Variants in BMPR1B observed in about 807,000 individuals in gnomAD.
BMPR1B encodes bone morphogenetic protein receptor type 1B.
In BMPR1B, 12 loss-of-function variants were observed where a neutral mutation model predicts 59.1. That is an observed-to-expected ratio of 0.20 (90% CI 0.13 to 0.33). The LOEUF (loss-of-function observed/expected upper bound fraction) is 0.33, where lower values mean the gene tolerates loss of function less well. BMPR1B is among the 10% of genes least tolerant of loss of function. The pLI, the probability that BMPR1B is intolerant of heterozygous loss-of-function variation, is 1.00. For missense variants in BMPR1B, 550 were observed against 610.9 expected, an observed-to-expected ratio of 0.90 and a Z score of 1.05; for synonymous variants, 237 against 207.3, an observed-to-expected ratio of 1.14 and a Z score of -1.23.
At chr4:94,953,922 T>A (rs1730046630) in intron 2 of BMPR1B, among the ~76,000 whole-genome samples, 1 of 152,224 alleles carries the variant, frequency 6.6e-6, no homozygotes, top group Non-Finnish European at 1.5e-5. Context: ...TCTTTTCACA[T>A]AGTCTCATAT....
At chr4:95,123,658 T>C (rs2149290534) in intron 6 of BMPR1B, 152 bp from the exon 7 acceptor site, 1 of 630,700 alleles carries the variant, frequency 1.6e-6, no homozygotes, top group South Asian at 1.9e-5. Flanking sequence ...ATTTTGAGTA[T>C]ATATGGGTTT....
At chr4:94,842,566 T>A (rs1725132684) in intron 1 of BMPR1B, among the ~76,000 whole-genome samples, 2 of 152,198 alleles carry the variant, frequency 1.3e-5, no homozygotes, top group Admixed American at 6.5e-5. Flanking sequence ...GATACTTTTT[T>A]TTTTCCTGAG....
chr4:94,959,091 C>T (rs941033014), intron 2 of BMPR1B, among the ~76,000 whole-genome samples: 4 of 151,932 alleles, frequency 2.6e-5, no homozygotes, highest in Non-Finnish European at 4.4e-5. Context: ...TTGAAAGCCA[C>T]GAAAAGGTGT....
intron 1 of BMPR1B, among the ~76,000 whole-genome samples, chr4:94,794,568 A>T (rs1456911667): frequency 7.2e-6 from 1 of 139,152 alleles, no homozygotes; most frequent in African/African-American, 2.9e-5. Flanking sequence ...AGTCATTGGT[A>T]GCTTGATGGG....
In BMPR1B at chr4:95,155,189, A is replaced by G. The variant is rs1192305403; in HGVS notation, c.*516A>G. 1 of 160,256 alleles carries G rather than the reference A, an allele frequency of 6.2e-6. No homozygotes were observed. The highest frequency in any genetic ancestry group is 1.4e-5 in the Non-Finnish European group (1 of 73,038). 9.9% of individuals were successfully genotyped at this position (160,256 alleles called of 1,614,324 possible). A position where few individuals can be genotyped will look rare whatever the true frequency, so the allele number is the denominator to read the frequency against. On this transcript the variant is annotated 3_prime_UTR_variant, in exon 13 of 13. Transcript: ENST00000515059. ...ACATAGAACGGAACTCATCTTAAAC[A>G]TACTCCCCACCCCGTCTTGGCCTCC...
rs2149058134 is a variant in BMPR1B, at chr4:94,953,936, T to A, written c.-112-42104T>A. Among the ~76,000 whole-genome samples the A allele has an allele frequency of 1.3e-5, 2 of 152,302 alleles. 1 individual carries two copies. Among genetic ancestry groups the A allele is most frequent in the African/African-American group, 4.8e-5 (2 of 41,572 alleles). On this transcript the variant is annotated intron_variant, in intron 2 of 12. Transcript: ENST00000515059. ...GTCTTTTCACATAGTCTCATATTTC[T>A]TGGAGGTTGGAGGCTTTGTTCATTC...
chr4:94,766,353 G>A (rs1721966748), intron 1 of BMPR1B, among the ~76,000 whole-genome samples: 1 of 150,822 alleles, frequency 6.6e-6, no homozygotes, highest in Admixed American at 6.6e-5. Context: ...CTTACTGCCA[G>A]GAGTTGTTCC....
At chr4:95,021,014 T>C (rs1723944153) in intron 3 of BMPR1B, among the ~76,000 whole-genome samples, 2 of 152,214 alleles carry the variant, frequency 1.3e-5, no homozygotes, top group South Asian at 4.1e-4. Context: ...CGTGTCTGGC[T>C]ATCTTATTTA....
intron 1 of BMPR1B, among the ~76,000 whole-genome samples, chr4:94,868,420 C>G (rs1726342650): frequency 6.6e-6 from 1 of 152,154 alleles, no homozygotes; most frequent in Non-Finnish European, 1.5e-5. Context: ...GTCCACCCAC[C>G]TCGGCCTCCC....
chr4:94,839,007 T>G (rs1724934595), intron 1 of BMPR1B, among the ~76,000 whole-genome samples: 1 of 122,990 alleles, frequency 8.1e-6, no homozygotes, highest in African/African-American at 3.2e-5. Flanking sequence ...CTGCCTTCAT[T>G]TCGTTATGTA....
At chr4:94,765,296 A>G (rs993767257) in intron 1 of BMPR1B, among the ~76,000 whole-genome samples, 1 of 152,218 alleles carries the variant, frequency 6.6e-6, no homozygotes, top group African/African-American at 2.4e-5. Flanking sequence ...AAATGAAAAT[A>G]AGATCATCTG....
intron 6 of BMPR1B, 100 bp downstream of exon 6, chr4:95,115,887 C>G: frequency 9.2e-7 from 1 of 1,084,608 alleles, no homozygotes; most frequent in Non-Finnish European, 1.4e-6. Context: ...GTACCACTTT[C>G]CACTGCTGGA....
intron 1 of BMPR1B, among the ~76,000 whole-genome samples, chr4:94,827,134 T>A (rs11097441): frequency 6.6e-6 from 1 of 151,748 alleles, no homozygotes; most frequent in Non-Finnish European, 1.5e-5. Context: ...TCCTCATTCC[T>A]CATCCCCCTC....
intron 1 of BMPR1B, among the ~76,000 whole-genome samples, chr4:94,872,029 A>G (rs1369789851): frequency 6.6e-6 from 1 of 152,136 alleles, no homozygotes; most frequent in Non-Finnish European, 1.5e-5. Flanking sequence ...ATTCCAAGTA[A>G]TTTGTTTAAT....
At chr4:94,918,021 C>T (rs1728553067) in intron 2 of BMPR1B, among the ~76,000 whole-genome samples, 1 of 152,096 alleles carries the variant, frequency 6.6e-6, no homozygotes, top group South Asian at 2.1e-4. Flanking sequence ...CCTGCTCCTG[C>T]TTCACCTTCT....
chr4:95,118,231 A>G (rs1313395167), intron 6 of BMPR1B, among the ~76,000 whole-genome samples: 1 of 152,030 alleles, frequency 6.6e-6, no homozygotes, highest in African/African-American at 2.4e-5. Flanking sequence ...TTTTTGGGCC[A>G]GCTGTTTTGG....
At chr4:94,776,372 C>CT (rs1172402744) in intron 1 of BMPR1B, among the ~76,000 whole-genome samples, 1 of 152,186 alleles carries the variant, frequency 6.6e-6, no homozygotes, top group Non-Finnish European at 1.5e-5. Flanking sequence ...TTTGAGACAG[C>CT]TTTCTTGATT....
At chr4:94,962,111 C>T (rs971576041) in intron 2 of BMPR1B, among the ~76,000 whole-genome samples, 3 of 132,646 alleles carry the variant, frequency 2.3e-5, no homozygotes, top group Non-Finnish European at 3.1e-5. Flanking sequence ...TTCCTTCCTT[C>T]CTTCCTTCCT....
At chr4:94,921,184 T>C (rs566307487) in intron 2 of BMPR1B, among the ~76,000 whole-genome samples, 16 of 152,210 alleles carry the variant, frequency 1.1e-4, no homozygotes, top group Middle Eastern at 3.4e-3. Context: ...CCTCCAGATA[T>C]TGAAACAGGA....
Sources: gnomAD v4.1 joint callset for allele counts (sites outside exome capture counted in the v4.1 genomes callset) on GRCh38, gnomAD v4.1.1 for gene constraint, MANE v1.5 for transcripts, NCBI Gene and HGNC (gene_info 2026-07-23, HGNC 2026-07-21) for gene names.